MAMDC2: variants seen among roughly 807,000 people sequenced by gnomAD.
MAMDC2 encodes the protein MAM domain-containing protein 2.
In MAMDC2, 57 loss-of-function variants were observed where a neutral mutation model predicts 89.8. The ratio of observed to expected loss-of-function variants is 0.63; its 90% CI spans 0.51 to 0.79. MAMDC2 has a LOEUF of 0.79. MAMDC2 is among the 30% of genes least tolerant of loss of function. The probability of loss-of-function intolerance (pLI) is 0.00; values close to 1 mark genes in which losing one functional copy is unlikely to be tolerated. For synonymous variants in MAMDC2, 313 were observed against 293.4 expected, an observed-to-expected ratio of 1.07 and a Z score of -0.68; for missense variants, 800 against 820.6, an observed-to-expected ratio of 0.97 and a Z score of 0.31.
At chr9:70,061,272 A>AC (rs1473158561) in intron 2 of MAMDC2, among the ~76,000 whole-genome samples, 2 of 152,156 alleles carry the variant, frequency 1.3e-5, no homozygotes, top group Non-Finnish European at 2.9e-5. Context: ...CTAGTTCACA[A>AC]ATGAGGAAGC....
chr9:70,044,794 C>T, intron 2 of MAMDC2, 97 bp downstream of exon 2: 1 of 916,548 alleles, frequency 1.1e-6, no homozygotes. Flanking sequence ...GGAGTTAATT[C>T]TCCGCGGCAA....
At chr9:70,199,416 T>G (rs906113333) in intron 11 of MAMDC2, among the ~76,000 whole-genome samples, 2 of 148,094 alleles carry the variant, frequency 1.4e-5, no homozygotes, top group African/African-American at 5.0e-5. Flanking sequence ...TTCCATGGTG[T>G]ATATGTGCCA....
At chr9:70,159,368 T>G (rs887848912) in intron 9 of MAMDC2, among the ~76,000 whole-genome samples, 8 of 152,142 alleles carry the variant, frequency 5.3e-5, no homozygotes, top group African/African-American at 1.9e-4. Flanking sequence ...AGGAGTTGGT[T>G]AAATAAGTGT....
chr9:70,174,308 T>C (rs1209554865), intron 11 of MAMDC2, among the ~76,000 whole-genome samples: 1 of 152,190 alleles, frequency 6.6e-6, no homozygotes, highest in African/African-American at 2.4e-5. Context: ...GAACTTCTAG[T>C]AGAGGAGACA....
At chr9:70,101,768 A>C (rs570139740) in intron 2 of MAMDC2, among the ~76,000 whole-genome samples, 39 of 152,322 alleles carry the variant, frequency 2.6e-4, no homozygotes, top group African/African-American at 8.9e-4. Flanking sequence ...GATTTCTCAG[A>C]ACCTATCTTC....
At chr9:70,126,086 C>A (rs569461561) in intron 5 of MAMDC2, 73 bp from the exon 6 acceptor site, 4 of 1,445,258 alleles carry the variant, frequency 2.8e-6, no homozygotes, top group East Asian at 4.6e-5. Flanking sequence ...CAGAATCACA[C>A]CATTTCGCCT....
chr9:70,108,443 A>G lies in MAMDC2; in HGVS notation c.381A>G (p.Ile127Met), dbSNP rs774161052. The change falls in exon 3 of 14, where the codon ATA (isoleucine) becomes ATG (methionine). Residue 127 changes from isoleucine to methionine, a missense_variant. Coordinates refer to ENST00000377182, the MANE Select transcript of MAMDC2 (RefSeq NM_153267.5). Reference protein sequence around the residue: ...SAKEPSDSWLIASLDLQNSSK... With the variant: ...SAKEPSDSWLMASLDLQNSSK... ...AGGAACCTTCAGACAGCTGGCTCAT[A>G]GCCAGCTTGGATTTGCAAAACAGTT... The G allele has an allele frequency of 6.2e-7, 1 of 1,608,328 alleles. No homozygotes were observed. Among genetic ancestry groups the G allele is most frequent in the African/African-American group, 1.3e-5 (1 of 74,548 alleles).
chr9:70,221,992 G>A (rs1272887815), intron 12 of MAMDC2, among the ~76,000 whole-genome samples: 6 of 152,120 alleles, frequency 3.9e-5, no homozygotes, highest in African/African-American at 9.7e-5. Context: ...CAGCTACTGC[G>A]TGTAAAGTAT....
chr9:70,087,352 A>G (rs1329758234), intron 2 of MAMDC2: 1 of 152,154 alleles, frequency 6.6e-6, no homozygotes, highest in Non-Finnish European at 1.5e-5. Context: ...GTTCCATTCA[A>G]TTTAATCTCC....
At chr9:70,199,061 T>TTG (rs10671399) in intron 11 of MAMDC2, among the ~76,000 whole-genome samples, 135,009 of 148,888 alleles carry the variant, frequency 0.91, 60,572 homozygotes, top group East Asian at 0.98. Context: ...TTTCGTTTGT[T>TTG]TTTTTTTTAT....
At chr9:70,148,303 T>A (rs904026131) in intron 9 of MAMDC2, among the ~76,000 whole-genome samples, 1 of 150,112 alleles carries the variant, frequency 6.7e-6, no homozygotes, top group African/African-American at 2.5e-5. Context: ...TCTCCACTTC[T>A]ATCCAGCATG....
intron 9 of MAMDC2, among the ~76,000 whole-genome samples, chr9:70,145,937 A>G (rs2031390903): frequency 6.6e-6 from 1 of 152,204 alleles, no homozygotes; most frequent in Non-Finnish European, 1.5e-5. Flanking sequence ...GGCTACATAA[A>G]AAGACAGAGG....
chr9:70,158,032 C>G (rs2031825493), intron 9 of MAMDC2, among the ~76,000 whole-genome samples: 1 of 152,176 alleles, frequency 6.6e-6, no homozygotes, highest in African/African-American at 2.4e-5. Flanking sequence ...TCATAGCTCA[C>G]TGTAACCTTG....
intron 6 of MAMDC2, among the ~76,000 whole-genome samples, chr9:70,127,042 C>T (rs1240426082): frequency 6.6e-6 from 1 of 152,148 alleles, no homozygotes; most frequent in African/African-American, 2.4e-5. Flanking sequence ...CCTCAGCCAA[C>T]TTCACAAAGG....
At chr9:70,213,129 C>G (rs1266039169) in intron 11 of MAMDC2, among the ~76,000 whole-genome samples, 1 of 152,214 alleles carries the variant, frequency 6.6e-6, no homozygotes, top group Non-Finnish European at 1.5e-5. Context: ...AAGACTTGTA[C>G]TGTTACCAGT....
chr9:70,223,859 G>T (rs541921782), intron 12 of MAMDC2, among the ~76,000 whole-genome samples: 1 of 152,276 alleles, frequency 6.6e-6, no homozygotes, highest in South Asian at 2.1e-4. Flanking sequence ...TGTAGAAAAA[G>T]AAGAGGTATT....
intron 7 of MAMDC2, among the ~76,000 whole-genome samples, chr9:70,135,891 C>T (rs1236971999): frequency 6.6e-6 from 1 of 152,162 alleles, no homozygotes; most frequent in Non-Finnish European, 1.5e-5. Flanking sequence ...TAGTGCACAC[C>T]TGTAATCCCA....
chr9:70,164,065 C>T (rs906262046), intron 9 of MAMDC2, among the ~76,000 whole-genome samples: 2 of 151,952 alleles, frequency 1.3e-5, no homozygotes, highest in Admixed American at 1.3e-4. Context: ...TTTTCTACTA[C>T]TCTTTACCAG....
In MAMDC2 at chr9:70,056,897, G is replaced by A. The variant is rs376658291; in HGVS notation, c.148+12200G>A. 7.7e-4 allele frequency among the ~76,000 whole-genome samples: 117 copies of A among 152,232 alleles called. 1 individual carries two copies. The highest frequency in any genetic ancestry group is 2.6e-3 in the African/African-American group (108 of 41,522). On this transcript the variant is annotated intron_variant, in intron 2 of 13. Transcript: ENST00000377182. ...TGCACATGTAAAGGATCTAGGTTGC[G>A]TGCTCCTTATGAGAATCTAATGCCT... is the stretch of plus-strand genomic sequence containing the variant.
Sources: gnomAD v4.1 joint callset for allele counts (sites outside exome capture counted in the v4.1 genomes callset) on GRCh38, gnomAD v4.1.1 for gene constraint, MANE v1.5 for transcripts, NCBI Gene and HGNC (gene_info 2026-07-23, HGNC 2026-07-21) for gene names.